GPC5: variants seen among roughly 807,000 people sequenced by gnomAD.
GPC5 encodes glypican 5.
Under a neutral mutation model 53.9 loss-of-function variants are expected in GPC5, and 47 were observed. The ratio of observed to expected loss-of-function variants is 0.87; its 90% CI spans 0.69 to 1.11. GPC5 has a LOEUF of 1.11. Ranked by LOEUF, GPC5 falls within the 50% of genes most tolerant of loss-of-function variation. The pLI is 0.00. For synonymous variants in GPC5, 286 were observed against 263.3 expected (o/e 1.09, Z -0.84); for missense variants, 748 against 713.1 (o/e 1.05, Z -0.56).
intron 6 of GPC5, among the ~76,000 whole-genome samples, chr13:92,114,903 T>C (rs2041588324): frequency 6.6e-6 from 1 of 151,180 alleles, no homozygotes; most frequent in Non-Finnish European, 1.5e-5. Flanking sequence ...GTTCTTGAGT[T>C]TTAAGATAAT....
At chr13:92,828,006 C>T (rs1877910916) in intron 7 of GPC5, among the ~76,000 whole-genome samples, 1 of 152,140 alleles carries the variant, frequency 6.6e-6, no homozygotes, top group Non-Finnish European at 1.5e-5. Flanking sequence ...AGGATCCATA[C>T]ATTACACACA....
intron 6 of GPC5, among the ~76,000 whole-genome samples, chr13:92,097,693 T>G (rs2041433047): frequency 6.6e-6 from 1 of 152,198 alleles, no homozygotes; most frequent in South Asian, 2.1e-4. Flanking sequence ...TTATATCAAC[T>G]GAGATACTGC....
chr13:92,240,600 T>A (rs1028182147), intron 7 of GPC5: 3 of 152,396 alleles, frequency 2.0e-5, no homozygotes, highest in Admixed American at 2.0e-4. Flanking sequence ...ACCTCCCAGG[T>A]TTAAGCGATT....
At chr13:91,563,597 C>A (rs1302313365) in intron 2 of GPC5, among the ~76,000 whole-genome samples, 1 of 152,126 alleles carries the variant, frequency 6.6e-6, no homozygotes, top group Non-Finnish European at 1.5e-5. Flanking sequence ...AATTGCTATT[C>A]ATTTCTTTAG....
At chr13:92,852,333 G>C (rs1295993106) in intron 7 of GPC5, among the ~76,000 whole-genome samples, 3 of 152,118 alleles carry the variant, frequency 2.0e-5, no homozygotes, top group African/African-American at 7.2e-5. Flanking sequence ...GGATAAGCAA[G>C]CTACACAGCA....
intron 7 of GPC5, among the ~76,000 whole-genome samples, chr13:92,676,857 C>A (rs1311658579): frequency 1.3e-5 from 2 of 151,836 alleles, no homozygotes; most frequent in Non-Finnish European, 2.9e-5. Flanking sequence ...TAATTGAGAC[C>A]AGTTGTTTGA....
chr13:91,681,285 A>C (rs189336), intron 2 of GPC5, among the ~76,000 whole-genome samples: 8,746 of 152,216 alleles, frequency 0.057, 327 homozygotes, highest in Middle Eastern at 0.15. Flanking sequence ...AAAGAAACAA[A>C]ATTTTTACCA....
intron 7 of GPC5, among the ~76,000 whole-genome samples, chr13:92,174,718 C>T (rs557156368): frequency 3.9e-5 from 6 of 152,122 alleles, no homozygotes. Context: ...GTCAAAAATA[C>T]GGTTCTATTC....
intron 7 of GPC5, among the ~76,000 whole-genome samples, chr13:92,213,023 G>T (rs9523541): frequency 0.35 from 52,482 of 152,034 alleles, 9,714 homozygotes; most frequent in South Asian, 0.49. Flanking sequence ...CACCACCAAA[G>T]GGAATAATCT....
intron 7 of GPC5, among the ~76,000 whole-genome samples, chr13:92,764,923 CA>C (rs201376540): frequency 4.7e-5 from 7 of 150,360 alleles, no homozygotes; most frequent in South Asian, 2.1e-4. Context: ...CATTTCTAAG[CA>C]AAAAAAAGGG....
intron 5 of GPC5, among the ~76,000 whole-genome samples, chr13:91,895,109 C>T (rs2039427394): frequency 6.6e-6 from 1 of 150,638 alleles, no homozygotes; most frequent in Non-Finnish European, 1.5e-5. Flanking sequence ...TGAGTGAAGA[C>T]TCAGCAGGGC....
chr13:92,771,769 T>C (rs1875625332), intron 7 of GPC5, among the ~76,000 whole-genome samples: 1 of 152,132 alleles, frequency 6.6e-6, no homozygotes, highest in African/African-American at 2.4e-5. Flanking sequence ...TCAAACCCCA[T>C]ACCTACAAAC....
chr13:92,480,618 T>C (rs1021786159), intron 7 of GPC5, among the ~76,000 whole-genome samples: 1 of 152,218 alleles, frequency 6.6e-6, no homozygotes, highest in South Asian at 2.1e-4. Context: ...GGTCGCAAGA[T>C]GACAGATTAT....
intron 2 of GPC5, among the ~76,000 whole-genome samples, chr13:91,647,163 GT>G (rs1255681009): frequency 6.7e-6 from 1 of 149,480 alleles, no homozygotes; most frequent in Non-Finnish European, 1.5e-5. Context: ...GGCTTACCCT[GT>G]TTTTTTTGTG....
chr13:92,005,427 A>G (rs2040597518), intron 6 of GPC5, among the ~76,000 whole-genome samples: 1 of 152,216 alleles, frequency 6.6e-6, no homozygotes, highest in Middle Eastern at 3.4e-3. Flanking sequence ...TCCTGTGGTT[A>G]GGGCCCTCAG....
chr13:92,331,863 C>T (rs1041706941), intron 7 of GPC5, among the ~76,000 whole-genome samples: 2 of 151,900 alleles, frequency 1.3e-5, no homozygotes, highest in Admixed American at 1.3e-4. Context: ...TACCATGATG[C>T]ACTCAGTTGG....
chr13:92,497,082 T>C (rs535248013), intron 7 of GPC5, among the ~76,000 whole-genome samples: 2 of 152,340 alleles, frequency 1.3e-5, no homozygotes, highest in East Asian at 3.9e-4. Flanking sequence ...ATAATTTCTT[T>C]TGCTGTGCAG....
chr13:91,560,345 C>G (rs1307508916), intron 2 of GPC5, among the ~76,000 whole-genome samples: 1 of 152,078 alleles, frequency 6.6e-6, no homozygotes, highest in Non-Finnish European at 1.5e-5. Context: ...GTCTGGATCT[C>G]AGATCTTTTG....
At chr13:91,929,520 T>C (rs2039800771) in intron 6 of GPC5, among the ~76,000 whole-genome samples, 1 of 152,156 alleles carries the variant, frequency 6.6e-6, no homozygotes, top group South Asian at 2.1e-4. Flanking sequence ...TAGCAGACTC[T>C]TTCATGTTTC....
Sources: gnomAD v4.1 joint callset for allele counts (sites outside exome capture counted in the v4.1 genomes callset) on GRCh38, gnomAD v4.1.1 for gene constraint, MANE v1.5 for transcripts, NCBI Gene and HGNC (gene_info 2026-07-23, HGNC 2026-07-21) for gene names.